Variants in KCNIP4 observed in about 807,000 individuals in gnomAD.
The protein encoded by KCNIP4 is Kv channel-interacting protein 4.
KCNIP4 carries 12 observed loss-of-function variants against 34.0 expected under a neutral mutation model. The observed-to-expected ratio is 0.35, with a 90% CI of 0.23 to 0.57. The LOEUF (loss-of-function observed/expected upper bound fraction) is 0.57, where lower values mean the gene tolerates loss of function less well. Among genes scored for constraint, KCNIP4 ranks in the 20% least tolerant of loss-of-function variants. The pLI, the probability that KCNIP4 is intolerant of heterozygous loss-of-function variation, is 0.83. For missense variants in KCNIP4, 238 were observed against 311.7 expected (o/e 0.76, Z 1.78); for synonymous variants, 124 against 102.2 (o/e 1.21, Z -1.29).
intron 3 of KCNIP4, among the ~76,000 whole-genome samples, chr4:20,833,719 G>T (rs1447244526): frequency 6.6e-6 from 1 of 152,066 alleles, no homozygotes; most frequent in East Asian, 1.9e-4. Context: ...GAAGGTGCTA[G>T]TTTGTTATCC....
intron 1 of KCNIP4, among the ~76,000 whole-genome samples, chr4:21,078,933 G>A (rs1466205600): frequency 6.6e-6 from 1 of 152,084 alleles, no homozygotes; most frequent in Non-Finnish European, 1.5e-5. Flanking sequence ...TGGAGAGCCT[G>A]GGCTGTCCTC....
chr4:21,069,386 G>C (rs185710806), intron 1 of KCNIP4, among the ~76,000 whole-genome samples: 20 of 152,294 alleles, frequency 1.3e-4, no homozygotes, highest in Admixed American at 2.6e-4. Flanking sequence ...TGAAGGTTTT[G>C]AGTTATTGAT....
At position 21,518,623 on chromosome 4, in the gene KCNIP4, C is replaced by G. The variant is rs371440908; in HGVS notation, c.61+429948G>C. On this transcript the variant is annotated intron_variant, in intron 1 of 8. Transcript: ENST00000382152. ...ATTACCACGGCGGATGAAAATATCC[C>G]TACGCTGTGGTGGAGAAGAGTCATT... Among the ~76,000 whole-genome samples, 3 of 152,092 alleles carry G rather than the reference C, an allele frequency of 2.0e-5. No individual in the cohort carries two copies. In the East Asian group the frequency reaches 5.8e-4, roughly 29 times the overall value.
chr4:21,499,143 C>T (rs1481500791), intron 1 of KCNIP4, among the ~76,000 whole-genome samples: 1 of 151,910 alleles, frequency 6.6e-6, no homozygotes, highest in Non-Finnish European at 1.5e-5. Context: ...CAAGCCTGAC[C>T]AACATGGTGA....
chr4:21,627,312 C>T (rs1745412485), intron 1 of KCNIP4, among the ~76,000 whole-genome samples: 1 of 152,026 alleles, frequency 6.6e-6, no homozygotes, highest in Non-Finnish European at 1.5e-5. Flanking sequence ...TGGTTGAGCT[C>T]TTGGTTATAA....
chr4:21,823,407 T>C (rs1274527377), intron 1 of KCNIP4, among the ~76,000 whole-genome samples: 1 of 151,954 alleles, frequency 6.6e-6, no homozygotes, highest in African/African-American at 2.4e-5. Flanking sequence ...TATTATTCAA[T>C]TTTAAAAAAA....
At chr4:20,880,825 G>A (rs917236013) in intron 2 of KCNIP4, among the ~76,000 whole-genome samples, 9 of 152,256 alleles carry the variant, frequency 5.9e-5, no homozygotes, top group Non-Finnish European at 1.2e-4. Context: ...TGTAGGATTA[G>A]GGCTCTGGCA....
At chr4:21,625,204 T>A (rs1194343327) in intron 1 of KCNIP4, among the ~76,000 whole-genome samples, 1 of 152,122 alleles carries the variant, frequency 6.6e-6, no homozygotes, top group African/African-American at 2.4e-5. Flanking sequence ...CCTGCAGTAC[T>A]ACTTAACTAT....
intron 1 of KCNIP4, among the ~76,000 whole-genome samples, chr4:21,098,589 C>T (rs4296672): frequency 0.47 from 71,406 of 151,928 alleles, 17,704 homozygotes; most frequent in African/African-American, 0.64. Flanking sequence ...TACAATGTGA[C>T]TTACTGAATA....
chr4:21,853,902 T>A (rs1360226420), intron 1 of KCNIP4, among the ~76,000 whole-genome samples: 1 of 152,198 alleles, frequency 6.6e-6, no homozygotes, highest in East Asian at 1.9e-4. Flanking sequence ...CCATCCATGG[T>A]CCTTTGAATA....
At chr4:21,809,787 A>G (rs1315731027) in intron 1 of KCNIP4, among the ~76,000 whole-genome samples, 1 of 152,164 alleles carries the variant, frequency 6.6e-6, no homozygotes, top group African/African-American at 2.4e-5. Context: ...AATGATTTGC[A>G]TTTTCAATCA....
At chr4:21,494,898 A>G (rs1732732129) in intron 1 of KCNIP4, among the ~76,000 whole-genome samples, 1 of 152,234 alleles carries the variant, frequency 6.6e-6, no homozygotes, top group Non-Finnish European at 1.5e-5. Context: ...ATAATTAATC[A>G]CAATTCAAAA....
chr4:21,329,119 A>G (rs1380261039), intron 1 of KCNIP4, among the ~76,000 whole-genome samples: 7 of 152,226 alleles, frequency 4.6e-5, no homozygotes, highest in African/African-American at 2.4e-5. Flanking sequence ...TAACATCTGA[A>G]TAATTTCAAT....
chr4:20,779,590 C>G, intron 3 of KCNIP4, among the ~76,000 whole-genome samples: 1 of 102,128 alleles, frequency 9.8e-6, no homozygotes, highest in African/African-American at 4.2e-5. Flanking sequence ...CCCCCCCCCA[C>G]ACAAAAAAGA....
intron 1 of KCNIP4, among the ~76,000 whole-genome samples, chr4:21,243,307 C>T (rs1165690033): frequency 2.0e-5 from 3 of 152,058 alleles, no homozygotes; most frequent in Admixed American, 1.3e-4. Context: ...GGTACAGAAC[C>T]CTTTATAGAA....
At chr4:21,395,301 G>T (rs1560363485) in intron 1 of KCNIP4, among the ~76,000 whole-genome samples, 2 of 152,036 alleles carry the variant, frequency 1.3e-5, no homozygotes, top group Admixed American at 6.6e-5. Flanking sequence ...AGAAAGAGTG[G>T]AAAAGGCCAC....
intron 1 of KCNIP4, among the ~76,000 whole-genome samples, chr4:21,533,588 A>T (rs1736897377): frequency 1.3e-5 from 2 of 152,164 alleles, no homozygotes; most frequent in African/African-American, 4.8e-5. Flanking sequence ...AGCCATGTTG[A>T]TTTTAAACTA....
chr4:21,931,641 G>A (rs1422156908), intron 1 of KCNIP4, among the ~76,000 whole-genome samples: 1 of 151,910 alleles, frequency 6.6e-6, no homozygotes, highest in Non-Finnish European at 1.5e-5. Flanking sequence ...GTATTCAATG[G>A]TGTATATGTG....
chr4:21,767,740 T>G (rs1718517325), intron 1 of KCNIP4, among the ~76,000 whole-genome samples: 1 of 152,068 alleles, frequency 6.6e-6, no homozygotes, highest in Non-Finnish European at 1.5e-5. Flanking sequence ...GGGGACCTAA[T>G]AAGCACAGAA....
Sources: gnomAD v4.1 joint callset for allele counts (sites outside exome capture counted in the v4.1 genomes callset) on GRCh38, gnomAD v4.1.1 for gene constraint, MANE v1.5 for transcripts, NCBI Gene and HGNC (gene_info 2026-07-23, HGNC 2026-07-21) for gene names.